Variants in CDC123 observed in about 807,000 individuals in gnomAD.
CDC123 encodes cell division cycle 123.
CDC123 carries 37 observed loss-of-function variants against 54.4 expected under a neutral mutation model. That is an observed-to-expected ratio of 0.68 (90% CI 0.52 to 0.89). The LOEUF is 0.89. CDC123 is among the 40% of genes least tolerant of loss of function. CDC123 has a pLI of 0.00. For missense variants in CDC123, 361 were observed against 412.1 expected, an observed-to-expected ratio of 0.88 and a Z score of 1.07; for synonymous variants, 144 against 136.8, an observed-to-expected ratio of 1.05 and a Z score of -0.37.
At chr10:12,201,402 G>T (rs900543831) in intron 2 of CDC123, among the ~76,000 whole-genome samples, 1 of 152,190 alleles carries the variant, frequency 6.6e-6, no homozygotes, top group South Asian at 2.1e-4. Context: ...TGAGGATCGC[G>T]AGGAGGGTCG....
rs772028466 is a variant in CDC123, at chr10:12,237,206, C to T, written c.628C>T (p.Arg210Cys). 15 of 1,589,220 alleles carry T rather than the reference C, an allele frequency of 9.4e-6. No homozygotes were observed. The highest frequency in any genetic ancestry group is 1.2e-5 in the South Asian group (1 of 85,066). Reference sequence around the variant, plus strand: ...TATTTCTAAACAAAAGGAAGAAATTCGCAGATGCATACAAGACTTTTTCAA... The same window carrying T: ...TATTTCTAAACAAAAGGAAGAAATTTGCAGATGCATACAAGACTTTTTCAA... The part of the protein sequence containing the change: ...DHISKQKEEI[R>C]RCIQDFFKKH... Residue 210 changes from arginine to cysteine, a missense_variant, in exon 9 of 13, where the codon CGC becomes TGC. Physicochemically the swap from Arg to Cys is radical, Grantham distance 180. Coordinates refer to ENST00000281141, the MANE Select transcript of CDC123 (RefSeq NM_006023.3).
At chr10:12,235,218 G>A in intron 8 of CDC123, 95 bp downstream of exon 8, 1 of 1,016,842 alleles carries the variant, frequency 9.8e-7, no homozygotes, top group Non-Finnish European at 1.5e-6. Flanking sequence ...AATTAGGACA[G>A]GGATGTCAAT....
chr10:12,240,385 T>G (rs1181683803), intron 10 of CDC123, among the ~76,000 whole-genome samples: 1 of 152,210 alleles, frequency 6.6e-6, no homozygotes, highest in Non-Finnish European at 1.5e-5. Flanking sequence ...TCAGCCTCAT[T>G]GTAAGTGAGA....
intron 2 of CDC123, among the ~76,000 whole-genome samples, chr10:12,206,512 T>C (rs560205206): frequency 1.1e-3 from 173 of 152,296 alleles, no homozygotes; most frequent in African/African-American, 3.7e-3. Flanking sequence ...TACAAAGAGT[T>C]GATTAAAACT....
chr10:12,239,437 G>A (rs1157290109), intron 10 of CDC123, among the ~76,000 whole-genome samples: 2 of 152,198 alleles, frequency 1.3e-5, no homozygotes, highest in Non-Finnish European at 2.9e-5. Flanking sequence ...TTTTGGCCGG[G>A]TGCAGTGGCT....
At chr10:12,212,067 G>T (rs1485481264) in intron 4 of CDC123, among the ~76,000 whole-genome samples, 2 of 152,100 alleles carry the variant, frequency 1.3e-5, no homozygotes, top group Non-Finnish European at 2.9e-5. Context: ...CAGCCTGGGT[G>T]ACAGAGAGAG....
intron 10 of CDC123, chr10:12,245,859 C>T (rs2131771296): frequency 4.2e-6 from 1 of 237,456 alleles, no homozygotes; most frequent in South Asian, 8.6e-5. Flanking sequence ...TTGCTTGAAC[C>T]CAAGAGTTCA....
At chr10:12,223,067 T>G (rs1418649041) in intron 6 of CDC123, among the ~76,000 whole-genome samples, 2 of 151,368 alleles carry the variant, frequency 1.3e-5, no homozygotes, top group Non-Finnish European at 2.9e-5. Context: ...AATTTTTTTT[T>G]GTATTTTTAG....
At chr10:12,241,401 A>G (rs1836055296) in intron 10 of CDC123, among the ~76,000 whole-genome samples, 1 of 151,908 alleles carries the variant, frequency 6.6e-6, no homozygotes, top group Non-Finnish European at 1.5e-5. Flanking sequence ...ATACTTCCCC[A>G]TGGTTTTTGT....
chr10:12,245,693 A>G (rs1481789924), intron 10 of CDC123: 3 of 152,690 alleles, frequency 2.0e-5, no homozygotes, highest in African/African-American at 7.2e-5. Context: ...GTCTATTCAG[A>G]CAGGCGGCCC....
intron 10 of CDC123, among the ~76,000 whole-genome samples, chr10:12,244,444 C>T (rs1037729529): frequency 2.6e-5 from 4 of 152,180 alleles, no homozygotes; most frequent in African/African-American, 7.2e-5. Flanking sequence ...TTCCTGGCGG[C>T]GCAGCCCCTG....
intron 6 of CDC123, among the ~76,000 whole-genome samples, chr10:12,223,436 C>G (rs1157867186): frequency 6.6e-6 from 1 of 152,112 alleles, no homozygotes; most frequent in African/African-American, 2.4e-5. Context: ...TAGGCGCACG[C>G]CACCACGCCT....
chr10:12,203,072 C>T (rs1490406816), intron 2 of CDC123, among the ~76,000 whole-genome samples: 4 of 152,122 alleles, frequency 2.6e-5, no homozygotes, highest in Admixed American at 1.3e-4. Context: ...TGAAGAGATG[C>T]GTAGGGTGAG....
chr10:12,233,313 A>ACACACACACT (rs766854405), intron 7 of CDC123, among the ~76,000 whole-genome samples: 1 of 141,860 alleles, frequency 7.0e-6, no homozygotes, highest in South Asian at 2.1e-4. Flanking sequence ...ACACACACAC[A>ACACACACACT]CACTCTCTGT....
chr10:12,214,830 A>AT (rs1258260485), intron 4 of CDC123, among the ~76,000 whole-genome samples: 22 of 151,610 alleles, frequency 1.5e-4, no homozygotes, highest in Admixed American at 5.9e-4. Flanking sequence ...TGATTACTGG[A>AT]TTTTTTCAGA....
chr10:12,228,961 C>T (rs561555790), intron 6 of CDC123, among the ~76,000 whole-genome samples: 67 of 152,150 alleles, frequency 4.4e-4, no homozygotes, highest in Non-Finnish European at 7.9e-4. Flanking sequence ...GCAATCGGCC[C>T]GCCTCAGCCT....
chr10:12,212,988 G>A (rs543024566), intron 4 of CDC123, among the ~76,000 whole-genome samples: 22 of 152,270 alleles, frequency 1.4e-4, no homozygotes, highest in African/African-American at 4.8e-4. Flanking sequence ...ATACATAAGT[G>A]ATTAAATAAG....
intron 6 of CDC123, among the ~76,000 whole-genome samples, chr10:12,222,760 T>A (rs182265515): frequency 7.3e-4 from 111 of 152,340 alleles, no homozygotes; most frequent in Admixed American, 3.6e-3. Context: ...AATTTTTTTT[T>A]AAAATTTTTT....
intron 6 of CDC123, among the ~76,000 whole-genome samples, chr10:12,225,688 A>G (rs1011232827): frequency 1.3e-5 from 2 of 151,034 alleles, no homozygotes; most frequent in African/African-American, 2.4e-5. Context: ...TGCTGAGGCA[A>G]CTATGAGCCA....
Sources: gnomAD v4.1 joint callset for allele counts (sites outside exome capture counted in the v4.1 genomes callset) on GRCh38, gnomAD v4.1.1 for gene constraint, MANE v1.5 for transcripts, NCBI Gene and HGNC (gene_info 2026-07-23, HGNC 2026-07-21) for gene names.